The following POLGARF variants were observed in gnomAD, a reference collection of about 807,000 sequenced individuals.
POLGARF encodes POLG alternative reading frame.
At chr15:89,330,375 T>A in the POLGARF span, 2 of 944,296 alleles carry the variant, frequency 2.1e-6, no homozygotes, top group Non-Finnish European at 3.3e-6. Context: ...AGATGGTGCA[T>A]TGGCAGCTGG....
the POLGARF span, among the ~76,000 whole-genome samples, chr15:89,332,032 T>G: frequency 6.6e-6 from 1 of 152,254 alleles, no homozygotes; most frequent in South Asian, 2.1e-4. Context: ...CAAATCTTTC[T>G]TGTCACTGGT....
chr15:89,330,309 T>C, the POLGARF span: 3 of 1,555,008 alleles, frequency 1.9e-6, no homozygotes, highest in Non-Finnish European at 2.6e-6. Flanking sequence ...AGGTTCACCA[T>C]GGAGACATTA....
At chr15:89,331,008 A>C in the POLGARF span, among the ~76,000 whole-genome samples, 1 of 152,190 alleles carries the variant, frequency 6.6e-6, no homozygotes, top group Non-Finnish European at 1.5e-5. Context: ...GGTGTAGGGG[A>C]ATGGCCACTG....
chr15:89,333,081 C>A, the POLGARF span: 2 of 1,510,106 alleles, frequency 1.3e-6, no homozygotes, highest in Non-Finnish European at 1.8e-6. Context: ...TGTCCCCAAC[C>A]CTGCCCCTAC....
At chr15:89,333,409 G>C in the POLGARF span, 1 of 1,604,396 alleles carries the variant, frequency 6.2e-7, no homozygotes, top group Non-Finnish European at 8.5e-7. Flanking sequence ...GGCACGGCTG[G>C]CTGCCCCCAG....
chr15:89,332,670 C>A, the POLGARF span, among the ~76,000 whole-genome samples: 1 of 151,992 alleles, frequency 6.6e-6, no homozygotes, highest in African/African-American at 2.4e-5. Context: ...ATGTCCTATA[C>A]TGCCTGGGAC....
chr15:89,333,105 G>A, the POLGARF span: 2 of 1,516,724 alleles, frequency 1.3e-6, no homozygotes, highest in Non-Finnish European at 1.8e-6. Context: ...CCAGGCCGAG[G>A]GGGATATGGC....
the POLGARF span, among the ~76,000 whole-genome samples, chr15:89,330,446 G>A: frequency 5.9e-5 from 9 of 152,174 alleles, no homozygotes; most frequent in African/African-American, 2.2e-4. Flanking sequence ...GGTGTGGCAG[G>A]GTGGGTGTGT....
At chr15:89,330,322 C>T in the POLGARF span, 13,755 of 1,458,158 alleles carry the variant, frequency 9.4e-3, 911 homozygotes, top group African/African-American at 0.16. Flanking sequence ...AGACATTAAA[C>T]TTCCACTCCA....
At chr15:89,333,048 A>G in the POLGARF span, 1 of 1,499,628 alleles carries the variant, frequency 6.7e-7, no homozygotes, top group African/African-American at 1.4e-5. Flanking sequence ...CAAACTATTA[A>G]GCTGGGCCCC....
chr15:89,333,590 C>CTGCTGT, the POLGARF span: 60 of 1,602,992 alleles, frequency 3.7e-5, 1 homozygote, highest in Admixed American at 1.7e-4. Context: ...GCTGCTGAGG[C>CTGCTGT]TGCTGTTGCT....
the POLGARF span, among the ~76,000 whole-genome samples, chr15:89,331,562 G>A: frequency 6.6e-6 from 1 of 152,240 alleles, no homozygotes; most frequent in Non-Finnish European, 1.5e-5. Flanking sequence ...GAAAAATGCT[G>A]ATGGCCAGAG....
chr15:89,332,797 A>G, the POLGARF span, among the ~76,000 whole-genome samples: 1 of 152,238 alleles, frequency 6.6e-6, no homozygotes, highest in South Asian at 2.1e-4. Context: ...AGAGGGGGTA[A>G]AGGCACCAAA....
At chr15:89,333,095 C>G in the POLGARF span, 1 of 1,512,130 alleles carries the variant, frequency 6.6e-7, no homozygotes, top group Admixed American at 2.3e-5. Flanking sequence ...CCCCTACTTA[C>G]CAGGCCGAGG....
the POLGARF span, chr15:89,333,728 C>G: frequency 6.5e-7 from 1 of 1,535,734 alleles, no homozygotes; most frequent in South Asian, 1.2e-5. Flanking sequence ...TGGCGCCGGC[C>G]ACCTTCCTCC....
the POLGARF span, chr15:89,333,464 C>T: frequency 1.2e-6 from 2 of 1,611,500 alleles, no homozygotes; most frequent in African/African-American, 1.3e-5. Flanking sequence ...GCACCGCGGC[C>T]TCGCCAGGCA....
At chr15:89,333,388 C>G in the POLGARF span, 1 of 1,587,416 alleles carries the variant, frequency 6.3e-7, no homozygotes, top group Non-Finnish European at 8.5e-7. Context: ...CGCAGCTCCA[C>G]GTCGGGCAAG....
chr15:89,331,897 G>A, the POLGARF span, among the ~76,000 whole-genome samples: 4 of 152,168 alleles, frequency 2.6e-5, no homozygotes, highest in African/African-American at 9.6e-5. Context: ...AATGGAATGA[G>A]AATGAGGGCA....
At chr15:89,332,596 C>T in the POLGARF span, among the ~76,000 whole-genome samples, 23 of 5,202 alleles carry the variant, frequency 4.4e-3, no homozygotes, top group Non-Finnish European at 1.2e-3. Context: ...GAAACGTTGC[C>T]GGCGGGGGCA....
Sources: gnomAD v4.1 joint callset for allele counts (sites outside exome capture counted in the v4.1 genomes callset) on GRCh38, gnomAD v4.1.1 for gene constraint, MANE v1.5 for transcripts, NCBI Gene and HGNC (gene_info 2026-07-23, HGNC 2026-07-21) for gene names.